Variants in CNTN5 observed in about 807,000 individuals in gnomAD.
CNTN5 encodes contactin 5, also known as contactin-5.
In CNTN5, 77 loss-of-function variants were observed where a neutral mutation model predicts 129.1. The ratio of observed to expected loss-of-function variants is 0.60; its 90% CI spans 0.50 to 0.72. The LOEUF (loss-of-function observed/expected upper bound fraction) is 0.72. Among genes scored for constraint, CNTN5 ranks in the 30% least tolerant of loss-of-function variants. CNTN5 has a pLI of 0.00. For synonymous variants in CNTN5, 509 were observed against 465.6 expected, an observed-to-expected ratio of 1.09 and a Z score of -1.20; for missense variants, 1,478 against 1,328.8, an observed-to-expected ratio of 1.11 and a Z score of -1.75.
intron 1 of CNTN5, among the ~76,000 whole-genome samples, chr11:99,037,395 A>G (rs1317147623): frequency 3.3e-5 from 5 of 152,076 alleles, no homozygotes; most frequent in Non-Finnish European, 5.9e-5. Context: ...AAGGAGTTCT[A>G]TAACTGTCCT....
intron 9 of CNTN5, among the ~76,000 whole-genome samples, chr11:100,035,627 C>A (rs1407293051): frequency 7.0e-6 from 1 of 142,276 alleles, no homozygotes; most frequent in East Asian, 2.0e-4. Flanking sequence ...TCCTCTCCAG[C>A]ACCTGTTGTT....
At chr11:99,563,608 G>A (rs1294132484) in intron 3 of CNTN5, among the ~76,000 whole-genome samples, 1 of 151,844 alleles carries the variant, frequency 6.6e-6, no homozygotes, top group Non-Finnish European at 1.5e-5. Flanking sequence ...GTTAGAGCTC[G>A]GTGGTTCTTC....
chr11:100,126,356 G>A (rs562859887), intron 13 of CNTN5, among the ~76,000 whole-genome samples: 1 of 152,162 alleles, frequency 6.6e-6, no homozygotes, highest in South Asian at 2.1e-4. Context: ...TGTTAATTTT[G>A]TACCTTGATA....
intron 1 of CNTN5, among the ~76,000 whole-genome samples, chr11:99,108,130 T>G (rs1168739557): frequency 6.6e-6 from 1 of 152,078 alleles, no homozygotes; most frequent in Non-Finnish European, 1.5e-5. Context: ...GTAGATTACT[T>G]GGAAGGGAGG....
intron 2 of CNTN5, among the ~76,000 whole-genome samples, chr11:99,429,046 ATATAAT>A (rs1943255084): frequency 6.6e-6 from 1 of 152,182 alleles, no homozygotes; most frequent in Non-Finnish European, 1.5e-5. Flanking sequence ...TATCTAGCAG[ATATAAT>A]TATAAAACCT....
intron 21 of CNTN5, among the ~76,000 whole-genome samples, chr11:100,310,506 C>G (rs1466584499): frequency 1.3e-5 from 2 of 151,780 alleles, no homozygotes; most frequent in Non-Finnish European, 2.9e-5. Flanking sequence ...CTATTAAGTA[C>G]CAGACAATGA....
intron 21 of CNTN5, among the ~76,000 whole-genome samples, chr11:100,315,675 C>T (rs930475367): frequency 7.2e-5 from 11 of 151,986 alleles, no homozygotes; most frequent in African/African-American, 2.7e-4. Flanking sequence ...CAAAAATGAC[C>T]ATCTGAAGAA....
At chr11:99,585,805 A>C (rs1949774383) in intron 3 of CNTN5, among the ~76,000 whole-genome samples, 1 of 152,162 alleles carries the variant, frequency 6.6e-6, no homozygotes, top group African/African-American at 2.4e-5. Flanking sequence ...ATAATATCTG[A>C]AACATTTTGT....
intron 3 of CNTN5, among the ~76,000 whole-genome samples, chr11:99,726,681 TAA>T (rs1357019553): frequency 2.0e-5 from 3 of 152,160 alleles, no homozygotes; most frequent in Non-Finnish European, 4.4e-5. Context: ...TACAGCAGAT[TAA>T]GTTAATTTTT....
chr11:99,867,014 T>A (rs542788061), intron 6 of CNTN5, among the ~76,000 whole-genome samples: 1 of 152,338 alleles, frequency 6.6e-6, no homozygotes, highest in South Asian at 2.1e-4. Context: ...ATGCAGCTGT[T>A]CACATAGACT....
chr11:99,202,983 TGAAA>T (rs1398452115), intron 1 of CNTN5, among the ~76,000 whole-genome samples: 4 of 145,254 alleles, frequency 2.8e-5, no homozygotes, highest in East Asian at 2.0e-4. Flanking sequence ...AAAGAATGAA[TGAAA>T]GAAAGAGAGA....
chr11:100,074,500 T>C, intron 13 of CNTN5: 1 of 470,106 alleles, frequency 2.1e-6, no homozygotes, highest in South Asian at 3.9e-5. Flanking sequence ...TCCATGGGGT[T>C]TTAGCATAAG....
intron 1 of CNTN5, among the ~76,000 whole-genome samples, chr11:99,240,552 T>A (rs1480692481): frequency 2.6e-5 from 4 of 152,136 alleles, no homozygotes; most frequent in Non-Finnish European, 5.9e-5. Context: ...TTCTGCCTCT[T>A]CCTCCTCTCT....
chr11:99,317,620 A>C (rs1865395513), intron 1 of CNTN5, among the ~76,000 whole-genome samples: 1 of 152,178 alleles, frequency 6.6e-6, no homozygotes. Context: ...TAGAGAATCA[A>C]GGTCCTGAAA....
At chr11:99,917,530 A>G (rs1949824930) in intron 7 of CNTN5, among the ~76,000 whole-genome samples, 1 of 152,124 alleles carries the variant, frequency 6.6e-6, no homozygotes. Flanking sequence ...GAAAAGGGGA[A>G]AAGAAGGGGA....
At chr11:99,526,605 G>A (rs1591219612) in intron 2 of CNTN5, among the ~76,000 whole-genome samples, 1 of 152,284 alleles carries the variant, frequency 6.6e-6, no homozygotes, top group East Asian at 1.9e-4. Flanking sequence ...AGCAAATTGT[G>A]TCAAGTCACG....
intron 2 of CNTN5, among the ~76,000 whole-genome samples, chr11:99,489,135 T>A (rs1945935081): frequency 6.6e-6 from 1 of 152,208 alleles, no homozygotes; most frequent in African/African-American, 2.4e-5. Context: ...GATTACTTTC[T>A]TTCCGTTTGG....
intron 8 of CNTN5, among the ~76,000 whole-genome samples, chr11:99,997,677 C>A (rs565293977): frequency 6.6e-6 from 1 of 152,084 alleles, no homozygotes; most frequent in South Asian, 2.1e-4. Flanking sequence ...CATCCTGAGA[C>A]CAAAGCCGGG....
chr11:99,311,473 T>C (rs1337633180), intron 1 of CNTN5, among the ~76,000 whole-genome samples: 2 of 152,142 alleles, frequency 1.3e-5, no homozygotes, highest in Non-Finnish European at 2.9e-5. Flanking sequence ...TCCAGAGATT[T>C]CATTTTTGTT....
Sources: gnomAD v4.1 joint callset for allele counts (sites outside exome capture counted in the v4.1 genomes callset) on GRCh38, gnomAD v4.1.1 for gene constraint, MANE v1.5 for transcripts, NCBI Gene and HGNC (gene_info 2026-07-23, HGNC 2026-07-21) for gene names.